APBA2: variants seen among roughly 807,000 people sequenced by gnomAD.
APBA2 encodes the protein amyloid-beta A4 precursor protein-binding family A member 2.
Under a neutral mutation model 75.0 loss-of-function variants are expected in APBA2, and 30 were observed. The ratio of observed to expected loss-of-function variants is 0.40; its 90% confidence interval spans 0.30 to 0.54. The LOEUF is 0.54. APBA2 is among the 20% of genes least tolerant of loss of function. APBA2 has a pLI of 0.49. For synonymous variants in APBA2, 444 were observed against 409.6 expected (o/e 1.08, Z -1.01); for missense variants, 801 against 1,016.1 (o/e 0.79, Z 2.88).
intron 6 of APBA2, among the ~76,000 whole-genome samples, chr15:29,081,335 T>C (rs2043075764): frequency 6.6e-6 from 1 of 152,222 alleles, no homozygotes; most frequent in Admixed American, 6.5e-5. Flanking sequence ...AGAGGAGTTA[T>C]GGAAACCCAG....
chr15:29,066,440 C>T (rs1237955191), intron 4 of APBA2, among the ~76,000 whole-genome samples: 1 of 152,204 alleles, frequency 6.6e-6, no homozygotes, highest in Non-Finnish European at 1.5e-5. Context: ...CTGCTAAGTG[C>T]AATGAGCCAG....
chr15:29,090,443 T>C lies in APBA2; in HGVS notation c.1070-2632T>C, dbSNP rs754580805. On this transcript the variant is annotated intron_variant, in intron 6 of 14. Transcript: ENST00000683413. ...AAATGTGAACCTCAGAAGGGTCTGGTGCACTGACCAGGGCCACCCTGGGGG... is the reference window on the plus strand; with the variant it reads ...AAATGTGAACCTCAGAAGGGTCTGGCGCACTGACCAGGGCCACCCTGGGGG... Among the ~76,000 whole-genome samples, 5 of 152,322 alleles carry C rather than the reference T, an allele frequency of 3.3e-5. No homozygotes were observed. The East Asian group carries it at 9.6e-4, about 29-fold the overall frequency.
intron 2 of APBA2, among the ~76,000 whole-genome samples, chr15:28,955,331 A>G (rs16954821): frequency 0.03 from 4,634 of 152,028 alleles, 249 homozygotes; most frequent in African/African-American, 0.11. Flanking sequence ...AGCTTTCTCA[A>G]CCGTACTTCC....
At chr15:29,079,066 C>G (rs1321080190) in intron 6 of APBA2, among the ~76,000 whole-genome samples, 1 of 152,170 alleles carries the variant, frequency 6.6e-6, no homozygotes, top group East Asian at 1.9e-4. Context: ...GCATCCAGGG[C>G]TTTGAGCTTC....
chr15:28,947,985 G>T (rs573089527), intron 2 of APBA2, among the ~76,000 whole-genome samples: 1 of 152,208 alleles, frequency 6.6e-6, no homozygotes, highest in African/African-American at 2.4e-5. Context: ...GAGCCAAGTC[G>T]TGGCTCTAGG....
intron 13 of APBA2, among the ~76,000 whole-genome samples, chr15:29,112,883 GC>G (rs560588388): frequency 6.6e-6 from 1 of 151,944 alleles, no homozygotes; most frequent in Non-Finnish European, 1.5e-5. Context: ...GCCCCTGGCG[GC>G]CCCCCACTTC....
rs968698442 is a variant in APBA2, at chr15:28,918,952, A to C, written c.-204-2688A>C. On this transcript the variant is annotated intron_variant, in intron 1 of 14. Transcript: ENST00000683413. The surrounding 1 kb of genome is among the most constrained non-coding windows in gnomAD (Gnocchi z 4.2). ...TTGGCTCACTGCAAGCTCCGCCTCC[A>C]GGGTTCACGCCATTCTCCTGCCTCA... 6.6e-6 allele frequency among the ~76,000 whole-genome samples: 1 copy of C among 151,202 alleles called. No homozygotes were observed.
chr15:29,030,812 CTTATTG>C (rs1566925988), intron 3 of APBA2, among the ~76,000 whole-genome samples: 1 of 151,620 alleles, frequency 6.6e-6, no homozygotes, highest in Non-Finnish European at 1.5e-5. Flanking sequence ...CTAAATAAAT[CTTATTG>C]TTATTTAAAT....
chr15:28,901,421 G>A (rs2032846661), intron 1 of APBA2, among the ~76,000 whole-genome samples: 1 of 152,084 alleles, frequency 6.6e-6, no homozygotes, highest in African/African-American at 2.4e-5. Context: ...TCTCCTGGCT[G>A]GCATTTGCAC....
chr15:28,964,641 C>A (rs1022138177), intron 2 of APBA2, among the ~76,000 whole-genome samples: 1 of 152,104 alleles, frequency 6.6e-6, no homozygotes, highest in Admixed American at 6.5e-5. Flanking sequence ...GCGCCTGCCA[C>A]CACGCCTGGC....
rs945077199 is a variant in APBA2, at chr15:28,991,725, T to C, written c.-94-4028T>C. ...CACCCTGATGCCTCCCCCATCCTGCTGACCATGGTGCTCAGCACAGACCCC... is the reference window on the plus strand; with the variant it reads ...CACCCTGATGCCTCCCCCATCCTGCCGACCATGGTGCTCAGCACAGACCCC... On this transcript the variant is annotated intron_variant, in intron 2 of 14. Coordinates refer to ENST00000683413, the MANE Select transcript of APBA2 (RefSeq NM_001353788.2). The surrounding 1 kb of genome is among the most constrained non-coding windows in gnomAD (Gnocchi z 4.7). Among the ~76,000 whole-genome samples the C allele has an allele frequency of 1.3e-5, 2 of 152,208 alleles. No homozygotes were observed. Among genetic ancestry groups the C allele is most frequent in the East Asian group, 3.9e-4 (2 of 5,190 alleles).
rs564485291 is a variant in APBA2 at position 28,993,472 on chromosome 15, A to T, written c.-94-2281A>T. 6.6e-5 allele frequency among the ~76,000 whole-genome samples: 10 copies of T among 152,340 alleles called. No homozygotes were observed. In the South Asian group the frequency reaches 1.7e-3, roughly 25 times the overall value. On this transcript the variant is annotated intron_variant, in intron 2 of 14. Transcript: ENST00000683413. ...ATGAGAGAAAAGAAACATGAAAAGAATGCAAATGAGGGTGGTGGACAGGGG... is the reference window on the plus strand; with the variant it reads ...ATGAGAGAAAAGAAACATGAAAAGATTGCAAATGAGGGTGGTGGACAGGGG...
chr15:29,077,247 G>T (rs1347240561), intron 6 of APBA2, among the ~76,000 whole-genome samples: 1 of 152,152 alleles, frequency 6.6e-6, no homozygotes, highest in Admixed American at 6.5e-5. Flanking sequence ...CCACATTCCC[G>T]CTTGTAGTGT....
intron 2 of APBA2, among the ~76,000 whole-genome samples, chr15:28,927,138 G>A (rs991004231): frequency 6.6e-6 from 1 of 151,522 alleles, no homozygotes; most frequent in Admixed American, 6.6e-5. Flanking sequence ...GATTACAGAC[G>A]TGAGCCACCG....
chr15:29,036,411 G>T (rs2040755639), intron 3 of APBA2, among the ~76,000 whole-genome samples: 1 of 152,142 alleles, frequency 6.6e-6, no homozygotes, highest in Non-Finnish European at 1.5e-5. Context: ...TTCAAAGCGA[G>T]CCTCACTAGT....
intron 4 of APBA2, among the ~76,000 whole-genome samples, chr15:29,055,109 A>G (rs1396471426): frequency 6.6e-6 from 1 of 152,138 alleles, no homozygotes; most frequent in African/African-American, 2.4e-5. Flanking sequence ...CTCCCACCCT[A>G]GAAGAGAGGT....
chr15:28,935,785 C>T (rs8041892), intron 2 of APBA2, among the ~76,000 whole-genome samples: 48,021 of 152,048 alleles, frequency 0.32, 12,625 homozygotes, highest in African/African-American at 0.7. Flanking sequence ...AATTTGGGTC[C>T]CCTAATTGTC....
At chr15:28,972,479 A>T (rs563305000) in intron 2 of APBA2, among the ~76,000 whole-genome samples, 1 of 152,234 alleles carries the variant, frequency 6.6e-6, no homozygotes, top group South Asian at 2.1e-4. Context: ...TACAAAGGAA[A>T]TTTACAGAGT....
intron 3 of APBA2, among the ~76,000 whole-genome samples, chr15:29,031,244 A>G (rs2040472850): frequency 6.6e-6 from 1 of 152,248 alleles, no homozygotes; most frequent in Non-Finnish European, 1.5e-5. Context: ...AAAAGAGAGT[A>G]TAAAGAGCAC....
Sources: allele counts gnomAD v4.1 joint callset (sites outside exome capture counted in the v4.1 genomes callset), GRCh38; gene constraint gnomAD v4.1.1; non-coding constraint Gnocchi (gnomAD v3.1); transcripts MANE v1.5; gene names NCBI Gene and HGNC (gene_info 2026-07-23, HGNC 2026-07-21).